The following ERBB4 variants were observed in gnomAD, a reference collection of about 807,000 sequenced individuals.
The protein encoded by ERBB4 is receptor tyrosine-protein kinase erbB-4.
Under a neutral mutation model 158.0 loss-of-function variants are expected in ERBB4, and 42 were observed. That is an observed-to-expected ratio of 0.27 (90% CI 0.21 to 0.34). The LOEUF (loss-of-function observed/expected upper bound fraction) is 0.34, where lower values mean the gene tolerates loss of function less well. ERBB4 is among the 10% of genes least tolerant of loss of function. The pLI is 1.00. For missense variants in ERBB4, 1,333 were observed against 1,624.1 expected (o/e 0.82, Z 3.08); for synonymous variants, 583 against 558.7 (o/e 1.04, Z -0.61).
intron 2 of ERBB4, among the ~76,000 whole-genome samples, chr2:212,085,208 C>T (rs1242152212): frequency 6.6e-6 from 1 of 151,918 alleles, no homozygotes; most frequent in Non-Finnish European, 1.5e-5. Flanking sequence ...AAAACACATA[C>T]TGCCTATGTT....
intron 1 of ERBB4, among the ~76,000 whole-genome samples, chr2:212,365,962 A>C (rs2089874978): frequency 6.6e-6 from 1 of 151,922 alleles, no homozygotes; most frequent in Non-Finnish European, 1.5e-5. Flanking sequence ...ATATAGTAGA[A>C]AAATATCAAA....
At chr2:211,949,625 A>G in intron 2 of ERBB4, among the ~76,000 whole-genome samples, 1 of 152,164 alleles carries the variant, frequency 6.6e-6, no homozygotes, top group Admixed American at 6.5e-5. Context: ...ACTGCAGTGT[A>G]TGATCTAGTC....
intron 1 of ERBB4, among the ~76,000 whole-genome samples, chr2:212,536,318 G>A (rs1390434560): frequency 6.6e-6 from 1 of 152,042 alleles, no homozygotes; most frequent in Admixed American, 6.6e-5. Flanking sequence ...GTGGGGGTGG[G>A]GGAGGATGAA....
rs535933296 is a variant in ERBB4 at position 212,445,705 on chromosome 2, A to C, written c.82+92744T>G. ...ATGGGAAATTACAACAGCCCAATCC[A>C]GGCAGGACTACAAATGGTCCAGACC... On this transcript the variant is annotated intron_variant, in intron 1 of 27. Transcript: ENST00000342788. Among the ~76,000 whole-genome samples the C allele has an allele frequency of 1.4e-4, 22 of 152,362 alleles. No homozygotes were observed. In the East Asian group the frequency reaches 1.7e-3, roughly 12 times the overall value.
At chr2:212,412,938 T>C (rs1346081477) in intron 1 of ERBB4, among the ~76,000 whole-genome samples, 1 of 151,488 alleles carries the variant, frequency 6.6e-6, no homozygotes. Context: ...GTTTGTGATA[T>C]GTAGAGTATT....
chr2:211,842,652 G>C (rs2077499230), intron 3 of ERBB4, among the ~76,000 whole-genome samples: 1 of 151,916 alleles, frequency 6.6e-6, no homozygotes, highest in Non-Finnish European at 1.5e-5. Context: ...TTCAGGAATA[G>C]TCTTTGAAAT....
intron 20 of ERBB4, among the ~76,000 whole-genome samples, chr2:211,451,002 G>A (rs2064232709): frequency 6.6e-6 from 1 of 152,210 alleles, no homozygotes; most frequent in Non-Finnish European, 1.5e-5. Flanking sequence ...TGAACATGAA[G>A]GCTGTCAGAA....
chr2:212,025,401 T>G (rs563462608), intron 2 of ERBB4, among the ~76,000 whole-genome samples: 17 of 151,968 alleles, frequency 1.1e-4, no homozygotes, highest in African/African-American at 4.1e-4. Flanking sequence ...GTACTTTGTA[T>G]GTATTCATAT....
At chr2:211,465,778 T>G (rs2064669063) in intron 20 of ERBB4, among the ~76,000 whole-genome samples, 1 of 152,116 alleles carries the variant, frequency 6.6e-6, no homozygotes, top group Admixed American at 6.5e-5. Flanking sequence ...TCTGAATTCT[T>G]ATTCTGTAAC....
chr2:211,704,010 A>G (rs2073347028), intron 11 of ERBB4, 94 bp downstream of exon 11: 4 of 808,492 alleles, frequency 4.9e-6, no homozygotes. Context: ...CCCCAGAATC[A>G]GTAAATCAAT....
In ERBB4 at chr2:211,677,399, T is replaced by C. The variant is rs182095842; in HGVS notation, c.1622+1653A>G. On this transcript the variant is annotated intron_variant, in intron 13 of 27. Transcript: ENST00000342788. ...GACCAACATGGAGAAACCCTGTCTC[T>C]ACTAAAAATACAAAATTAGCCCGGC... 2.2e-3 allele frequency among the ~76,000 whole-genome samples: 338 copies of C among 151,238 alleles called. 1 individual carries two copies. Among genetic ancestry groups the C allele is most frequent in the African/African-American group, 7.6e-3 (313 of 41,114 alleles).
intron 1 of ERBB4, among the ~76,000 whole-genome samples, chr2:212,392,991 A>G (rs1560197974): frequency 6.6e-6 from 1 of 152,042 alleles, no homozygotes; most frequent in Non-Finnish European, 1.5e-5. Flanking sequence ...GGACTGACAG[A>G]GAAAGCAGTA....
chr2:212,188,262 C>CA (rs2082088616), intron 1 of ERBB4, among the ~76,000 whole-genome samples: 6 of 22,542 alleles, frequency 2.7e-4, no homozygotes, highest in East Asian at 4.2e-3. Flanking sequence ...CTCCCTCCCT[C>CA]CCTCTTCTCT....
Position 211,380,896 on chromosome 2 carries a change from G to A in ERBB4, c.*2719C>T, listed in dbSNP as rs1559109321. On this transcript the variant is annotated 3_prime_UTR_variant, in exon 28 of 28. Coordinates refer to ENST00000342788, the MANE Select transcript of ERBB4 (RefSeq NM_005235.3). ...TTCATTTTTTCCTTCTCCAAAATGA[G>A]TGATTCTGCTTTCTATAGCCCAGTA... 1 of 231,830 alleles carries A rather than the reference G, an allele frequency of 4.3e-6. No homozygotes were observed. Among genetic ancestry groups the A allele is most frequent in the African/African-American group, 2.2e-5 (1 of 45,218 alleles). 14.4% of individuals were successfully genotyped at this position (231,830 alleles called of 1,614,324 possible).
intron 1 of ERBB4, among the ~76,000 whole-genome samples, chr2:212,417,618 T>G (rs559429700): frequency 6.6e-6 from 1 of 152,182 alleles, no homozygotes; most frequent in South Asian, 2.1e-4. Flanking sequence ...AATGTCAGTC[T>G]GAAGCATAAC....
intron 2 of ERBB4, among the ~76,000 whole-genome samples, chr2:211,976,413 C>T (rs934086602): frequency 3.3e-5 from 5 of 152,022 alleles, no homozygotes; most frequent in Non-Finnish European, 7.4e-5. Context: ...TTTACATTAT[C>T]TTATCTTAGC....
At chr2:212,315,661 G>A (rs193275011) in intron 1 of ERBB4, among the ~76,000 whole-genome samples, 1 of 145,800 alleles carries the variant, frequency 6.9e-6, no homozygotes, top group Non-Finnish European at 1.5e-5. Context: ...AGAAAGCACA[G>A]TTGCTTTGGT....
At chr2:211,499,560 A>C (rs980132254) in intron 20 of ERBB4, among the ~76,000 whole-genome samples, 6 of 152,158 alleles carry the variant, frequency 3.9e-5, no homozygotes, top group South Asian at 2.1e-4. Flanking sequence ...AACAAACAAA[A>C]AAAAGAAAAC....
chr2:212,010,233 C>T (rs971051586), intron 2 of ERBB4, among the ~76,000 whole-genome samples: 1 of 152,138 alleles, frequency 6.6e-6, no homozygotes, highest in Non-Finnish European at 1.5e-5. Flanking sequence ...CTCTTGAAGA[C>T]ATGGATAAGG....
Sources: gnomAD v4.1 joint callset for allele counts (sites outside exome capture counted in the v4.1 genomes callset) on GRCh38, gnomAD v4.1.1 for gene constraint, MANE v1.5 for transcripts, NCBI Gene and HGNC (gene_info 2026-07-23, HGNC 2026-07-21) for gene names.